The following HECTD2 variants were observed in gnomAD, a reference collection of about 807,000 sequenced individuals.
HECTD2 encodes probable E3 ubiquitin-protein ligase HECTD2.
In HECTD2, 35 loss-of-function variants were observed where a neutral mutation model predicts 103.2. That is an observed-to-expected ratio of 0.34 (90% confidence interval 0.26 to 0.45). HECTD2 has a LOEUF of 0.45. Among genes scored for constraint, HECTD2 ranks in the 20% least tolerant of loss-of-function variants. The probability of loss-of-function intolerance (pLI) is 1.00; values close to 1 mark genes in which losing one functional copy is unlikely to be tolerated. For synonymous variants in HECTD2, 281 were observed against 329.9 expected, an observed-to-expected ratio of 0.85 and a Z score of 1.61; for missense variants, 596 against 937.4, an observed-to-expected ratio of 0.64 and a Z score of 4.76.
intron 20 of HECTD2, among the ~76,000 whole-genome samples, chr10:91,502,939 C>T (rs968431000): frequency 6.6e-6 from 1 of 152,096 alleles, no homozygotes; most frequent in African/African-American, 2.4e-5. Context: ...CAAAGACATA[C>T]AACATTTCAA....
intron 2 of HECTD2, among the ~76,000 whole-genome samples, chr10:91,428,459 A>G (rs1843675707): frequency 6.6e-6 from 1 of 152,032 alleles, no homozygotes; most frequent in Non-Finnish European, 1.5e-5. Flanking sequence ...TCTATAAATT[A>G]CCTTGGGCAG....
chr10:91,414,477 C>CA (rs1843042123), intron 1 of HECTD2, among the ~76,000 whole-genome samples: 1 of 152,162 alleles, frequency 6.6e-6, no homozygotes, highest in South Asian at 2.1e-4. Flanking sequence ...CTAGGTGCTA[C>CA]AAAAAATGCA....
intron 1 of HECTD2, among the ~76,000 whole-genome samples, chr10:91,415,301 A>G (rs950170082): frequency 1.1e-4 from 16 of 151,332 alleles, no homozygotes; most frequent in Admixed American, 2.6e-4. Context: ...CTCTTTGTTC[A>G]TTATGTTCTA....
chr10:91,426,567 TACAC>T (rs58234316), intron 2 of HECTD2, among the ~76,000 whole-genome samples: 2 of 150,064 alleles, frequency 1.3e-5, no homozygotes, highest in Non-Finnish European at 3.0e-5. Context: ...CATACAAACA[TACAC>T]ACACACACAC....
chr10:91,428,353 G>A (rs1474303493), intron 2 of HECTD2, among the ~76,000 whole-genome samples: 7 of 150,446 alleles, frequency 4.7e-5, no homozygotes, highest in East Asian at 1.9e-4. Flanking sequence ...TTGACTTGGC[G>A]ATGCGGGCTC....
Position 91,513,881 on chromosome 10 carries a change from G to C in HECTD2, c.*1497G>C, listed in dbSNP as rs1847517475. On this transcript the variant is annotated 3_prime_UTR_variant, in exon 21 of 21. Transcript: ENST00000298068. ...TTCTGAAGCCAACCCACAAATCTTT[G>C]AGGAAAAGGGGTCACTTTGTTTACT... 1 of 152,540 alleles carries C rather than the reference G, an allele frequency of 6.6e-6. No homozygotes were observed. The highest frequency in any genetic ancestry group is 1.5e-5 in the Non-Finnish European group (1 of 68,028). 9.4% of individuals were successfully genotyped at this position (152,540 alleles called of 1,614,324 possible).
At chr10:91,508,350 AG>A (rs1847279062) in intron 20 of HECTD2, among the ~76,000 whole-genome samples, 1 of 148,498 alleles carries the variant, frequency 6.7e-6, no homozygotes, top group Non-Finnish European at 1.5e-5. Context: ...ACAAAATGGG[AG>A]AAAATTTTCA....
At chr10:91,462,385 T>C in intron 5 of HECTD2, 1 of 1,161,626 alleles carries the variant, frequency 8.6e-7, no homozygotes, top group Middle Eastern at 3.2e-4. Context: ...GCAAATACTT[T>C]TATATCCAAT....
intron 2 of HECTD2, among the ~76,000 whole-genome samples, chr10:91,428,882 C>CT (rs1378577944): frequency 6.6e-6 from 1 of 152,014 alleles, no homozygotes; most frequent in Non-Finnish European, 1.5e-5. Context: ...CTTCTCCTGT[C>CT]TAATTGCCCT....
intron 2 of HECTD2, among the ~76,000 whole-genome samples, chr10:91,439,541 G>C (rs1288302158): frequency 6.6e-6 from 1 of 152,058 alleles, no homozygotes; most frequent in Non-Finnish European, 1.5e-5. Flanking sequence ...TGTTCTTTTT[G>C]CTTAGGATTG....
chr10:91,415,673 C>T (rs773105859), intron 1 of HECTD2, among the ~76,000 whole-genome samples: 2 of 152,134 alleles, frequency 1.3e-5, no homozygotes, highest in African/African-American at 2.4e-5. Flanking sequence ...TCGACATTTG[C>T]GGTCATAGGT....
At chr10:91,498,005 A>G in intron 15 of HECTD2, 103 bp from the exon 16 acceptor site, 1 of 734,572 alleles carries the variant, frequency 1.4e-6, no homozygotes, top group Middle Eastern at 2.8e-4. Context: ...TACATGTCAA[A>G]TATGATCTTT....
chr10:91,440,135 G>C (rs1331878434), intron 2 of HECTD2, among the ~76,000 whole-genome samples: 1 of 152,102 alleles, frequency 6.6e-6, no homozygotes, highest in Non-Finnish European at 1.5e-5. Context: ...AGTAGTGAGA[G>C]AGAGCATCCT....
chr10:91,499,388 C>T (rs564790043), intron 18 of HECTD2, among the ~76,000 whole-genome samples: 2 of 152,088 alleles, frequency 1.3e-5, no homozygotes, highest in African/African-American at 4.8e-5. Context: ...TAGAGCTTTA[C>T]AAACTTTCTC....
intron 2 of HECTD2, among the ~76,000 whole-genome samples, chr10:91,451,903 A>G (rs189452757): frequency 6.6e-6 from 1 of 152,266 alleles, no homozygotes; most frequent in East Asian, 1.9e-4. Context: ...ATTAAATTCT[A>G]TATATGTATA....
chr10:91,445,809 G>A (rs12261288), intron 2 of HECTD2, among the ~76,000 whole-genome samples: 6,326 of 152,158 alleles, frequency 0.042, 454 homozygotes, highest in African/African-American at 0.14. Context: ...CCTAGCCAAG[G>A]GAAGTCGTGA....
intron 2 of HECTD2, among the ~76,000 whole-genome samples, chr10:91,453,954 T>C (rs1844949858): frequency 6.6e-6 from 1 of 152,078 alleles, no homozygotes; most frequent in Non-Finnish European, 1.5e-5. Flanking sequence ...CATTATATAA[T>C]GATAAAAGGG....
Position 91,481,153 on chromosome 10 carries a change from A to T in HECTD2, c.711+14A>T, listed in dbSNP as rs757378952. On this transcript the variant is annotated intron_variant, in intron 7 of 20. Coordinates refer to ENST00000298068, the MANE Select transcript of HECTD2 (RefSeq NM_182765.6). ...ATACTTTTACAGGTAAGAGAACCAG[A>T]ACCTAGTTGAAGTTGTCTAAGTCAG... 1.4e-6 allele frequency: 2 copies of T among 1,462,714 alleles called. No homozygotes were observed. The highest frequency in any genetic ancestry group is 1.4e-5 in the African/African-American group (1 of 69,666). The allele number at this position is 1,462,714 out of a possible 1,614,324, so 90.6% of individuals were successfully genotyped here. A position where few individuals can be genotyped will look rare whatever the true frequency, so the allele number is the denominator to read the frequency against.
intron 11 of HECTD2, among the ~76,000 whole-genome samples, chr10:91,490,923 A>G (rs867597964): frequency 1.4e-4 from 20 of 145,662 alleles, no homozygotes; most frequent in African/African-American, 4.8e-4. Flanking sequence ...AAAAAAAGAG[A>G]TGAGACATAC....
Sources: allele counts gnomAD v4.1 joint callset (sites outside exome capture counted in the v4.1 genomes callset), GRCh38; gene constraint gnomAD v4.1.1; transcripts MANE v1.5; gene names NCBI Gene and HGNC (gene_info 2026-07-23, HGNC 2026-07-21).